DMD: variants seen among roughly 807,000 people sequenced by gnomAD.
The protein encoded by DMD is mutant dystrophin.
DMD carries 63 observed loss-of-function variants against 330.1 expected under a neutral mutation model. The ratio of observed to expected loss-of-function variants is 0.19; its 90% CI spans 0.16 to 0.24. The LOEUF (loss-of-function observed/expected upper bound fraction) is 0.24. Among genes scored for constraint, DMD ranks in the 10% least tolerant of loss-of-function variants. The probability of loss-of-function intolerance (pLI) is 1.00; values close to 1 mark genes in which losing one functional copy is unlikely to be tolerated. For missense variants in DMD, 3,344 were observed against 2,684.1 expected, an observed-to-expected ratio of 1.25 and a Z score of -5.43; for synonymous variants, 1,223 against 959.8, an observed-to-expected ratio of 1.27 and a Z score of -5.07.
intron 61 of DMD, among the ~76,000 whole-genome samples, chrX:31,333,188 T>C (rs1197149834): frequency 8.9e-6 from 1 of 111,897 alleles, no homozygotes; most frequent in Admixed American, 9.5e-5. Flanking sequence ...TTAGTATTGC[T>C]TCAGAATTCA....
upstream of DMD, among the ~76,000 whole-genome samples, chrX:33,212,314 G>A (rs2051949062): frequency 9.0e-6 from 1 of 111,379 alleles, no homozygotes; most frequent in Non-Finnish European, 1.9e-5. Flanking sequence ...TCATTTAATG[G>A]TTCTGAATAG....
chrX:32,377,773 G>T (rs1381175434), intron 34 of DMD, among the ~76,000 whole-genome samples: 2 of 111,282 alleles, frequency 1.8e-5, no homozygotes, highest in South Asian at 7.6e-4. Flanking sequence ...ATTACGTATT[G>T]CATGCCTGTA....
intron 59 of DMD, among the ~76,000 whole-genome samples, chrX:31,460,025 T>C (rs1189475449): frequency 8.9e-6 from 1 of 112,329 alleles, no homozygotes; most frequent in Non-Finnish European, 1.9e-5. Context: ...AAAGTTTAAG[T>C]TTCATGTCTC....
chrX:31,881,179 G>T (rs1401674922), intron 47 of DMD, among the ~76,000 whole-genome samples: 2 of 111,116 alleles, frequency 1.8e-5, no homozygotes, highest in Non-Finnish European at 3.8e-5. Flanking sequence ...TAAGCTAAGT[G>T]TTATTACAGA....
chrX:32,604,921 A>T (rs1303046123), intron 12 of DMD, among the ~76,000 whole-genome samples: 1 of 111,034 alleles, frequency 9.0e-6, no homozygotes, highest in East Asian at 2.8e-4. Context: ...ACAAATGGAA[A>T]AACTTTCCCT....
Position 32,343,626 on chromosome X carries a change from A to C in DMD, c.5587-340T>G, listed in dbSNP as rs72468620. On this transcript the variant is annotated intron_variant, in intron 39 of 78. Coordinates refer to ENST00000357033, the MANE Select transcript of DMD (RefSeq NM_004006.3). The stretch of plus-strand genomic sequence containing the variant: ...TTAATATACGAATACAATTGACTTA[A>C]CTAGATACAAACTCACAAACCTAGT... Among the ~76,000 whole-genome samples the C allele has an allele frequency of 5.9e-3, 661 of 111,423 alleles. 23 individuals carry two copies. In the Admixed American group the frequency reaches 0.061, roughly 10 times the overall value.
chrX:31,249,814 T>C (rs982270519), intron 63 of DMD, among the ~76,000 whole-genome samples: 1 of 111,055 alleles, frequency 9.0e-6, no homozygotes, highest in African/African-American at 3.3e-5. Context: ...GAGACACTGG[T>C]ATATGATAAT....
At chrX:32,600,529 C>T (rs2056076189) in intron 12 of DMD, among the ~76,000 whole-genome samples, 1 of 103,242 alleles carries the variant, frequency 9.7e-6, no homozygotes. Flanking sequence ...AACTACTCCT[C>T]CGACTTCATT....
intron 1 of DMD, among the ~76,000 whole-genome samples, chrX:33,311,849 T>C (rs1054507687): frequency 9.1e-6 from 1 of 110,063 alleles, no homozygotes; most frequent in Non-Finnish European, 1.9e-5. Flanking sequence ...TTACCATGGC[T>C]AGCATAATAA....
intron 13 of DMD, among the ~76,000 whole-genome samples, chrX:32,578,464 G>T (rs185197454): frequency 8.9e-6 from 1 of 111,778 alleles, no homozygotes; most frequent in Non-Finnish European, 1.9e-5. Context: ...CTCCATTATC[G>T]TCCATGCTCA....
chrX:31,877,578 C>T (rs1478144094), intron 47 of DMD, among the ~76,000 whole-genome samples: 1 of 111,432 alleles, frequency 9.0e-6, no homozygotes, highest in African/African-American at 3.3e-5. Flanking sequence ...CACAGAATGT[C>T]CATGAATCAT....
At chrX:32,957,814 A>C (rs1019966987) in intron 2 of DMD, among the ~76,000 whole-genome samples, 2 of 111,873 alleles carry the variant, frequency 1.8e-5, no homozygotes, top group African/African-American at 6.5e-5. Context: ...TTTCCACAGA[A>C]GAAAAAATAT....
chrX:31,911,871 A>T, intron 47 of DMD, among the ~76,000 whole-genome samples: 1 of 111,811 alleles, frequency 8.9e-6, no homozygotes, highest in East Asian at 2.8e-4. Context: ...ACAGTTGTTC[A>T]GCATTTGAAG....
intron 47 of DMD, among the ~76,000 whole-genome samples, chrX:31,895,993 A>G (rs1439788831): frequency 9.0e-6 from 1 of 111,558 alleles, no homozygotes; most frequent in Non-Finnish European, 1.9e-5. Flanking sequence ...ATCCTTTTCC[A>G]TTTCTTCCAA....
intron 1 of DMD, among the ~76,000 whole-genome samples, chrX:33,323,066 C>T (rs2054038009): frequency 8.9e-6 from 1 of 111,763 alleles, no homozygotes; most frequent in Non-Finnish European, 1.9e-5. Context: ...AGCCAAAGCA[C>T]ATGTTTGACT....
chrX:31,438,489 T>G (rs1359242258), intron 60 of DMD, among the ~76,000 whole-genome samples: 1 of 111,846 alleles, frequency 8.9e-6, no homozygotes, highest in Non-Finnish European at 1.9e-5. Context: ...ATTTGATGCT[T>G]GTTAAAATTT....
chrX:32,702,977 C>A (rs937669205), intron 7 of DMD, among the ~76,000 whole-genome samples: 12 of 111,525 alleles, frequency 1.1e-4, no homozygotes, highest in Non-Finnish European at 9.4e-5. Context: ...AAGTTTCAAT[C>A]TACCCTATTT....
intron 1 of DMD, among the ~76,000 whole-genome samples, chrX:33,121,375 C>T (rs765141318): frequency 9.1e-6 from 1 of 110,071 alleles, no homozygotes; most frequent in South Asian, 4.0e-4. Flanking sequence ...GGACTACAGG[C>T]GCATGCCACC....
At chrX:32,693,669 G>A (rs1473434033) in intron 9 of DMD, among the ~76,000 whole-genome samples, 1 of 111,880 alleles carries the variant, frequency 8.9e-6, no homozygotes, top group Non-Finnish European at 1.9e-5. Flanking sequence ...CAAACTCCTA[G>A]CCTCAAGTGA....
Sources: allele counts gnomAD v4.1 joint callset (sites outside exome capture counted in the v4.1 genomes callset), GRCh38; gene constraint gnomAD v4.1.1; transcripts MANE v1.5; gene names NCBI Gene and HGNC (gene_info 2026-07-23, HGNC 2026-07-21).